PHLDB2: variants seen among roughly 807,000 people sequenced by gnomAD.
PHLDB2 encodes pleckstrin homology like domain family B member 2, also known as pleckstrin homology-like domain family B member 2.
In PHLDB2, 71 loss-of-function variants were observed where a neutral mutation model predicts 123.6. That is an observed-to-expected ratio of 0.57 (90% CI 0.47 to 0.70). PHLDB2 has a LOEUF of 0.70. PHLDB2 is among the 30% of genes least tolerant of loss of function. PHLDB2 has a pLI of 0.00. For missense variants in PHLDB2, 1,446 were observed against 1,519.5 expected (o/e 0.95, Z 0.80); for synonymous variants, 547 against 541.6 (o/e 1.01, Z -0.14).
intron 1 of PHLDB2, among the ~76,000 whole-genome samples, chr3:111,791,196 AT>A (rs1394702500): frequency 6.6e-6 from 1 of 152,168 alleles, no homozygotes; most frequent in Non-Finnish European, 1.5e-5. Flanking sequence ...GTTATAATAA[AT>A]TTCTATATAT....
At chr3:111,918,271 C>T (rs1312415471) in intron 3 of PHLDB2, among the ~76,000 whole-genome samples, 1 of 152,198 alleles carries the variant, frequency 6.6e-6, no homozygotes, top group African/African-American at 2.4e-5. Flanking sequence ...TATGCACTCT[C>T]TCACTTGTTT....
intron 1 of PHLDB2, among the ~76,000 whole-genome samples, chr3:111,737,656 T>A (rs1255165049): frequency 6.6e-6 from 1 of 151,968 alleles, no homozygotes; most frequent in Non-Finnish European, 1.5e-5. Flanking sequence ...AATGTGCAAT[T>A]TCACTGTGCA....
At chr3:111,796,960 TG>T (rs1286228748) in intron 1 of PHLDB2, among the ~76,000 whole-genome samples, 3 of 152,356 alleles carry the variant, frequency 2.0e-5, no homozygotes, top group Non-Finnish European at 4.4e-5. Flanking sequence ...TCTAGGTTAT[TG>T]ACATGACTGG....
chr3:111,887,700 A>T (rs2066256154), intron 2 of PHLDB2, among the ~76,000 whole-genome samples: 1 of 152,162 alleles, frequency 6.6e-6, no homozygotes, highest in Non-Finnish European at 1.5e-5. Context: ...TTTTATTATC[A>T]ATTCAATCAC....
chr3:111,865,141 G>T (rs550788772), intron 1 of PHLDB2, among the ~76,000 whole-genome samples: 1 of 152,326 alleles, frequency 6.6e-6, no homozygotes, highest in Admixed American at 6.5e-5. Context: ...ATTCAGAGGG[G>T]ATTGAGAAGT....
rs1576661506 is a variant in PHLDB2, at chr3:111,804,263, A to G, written c.-48-41558A>G. 3.3e-5 allele frequency among the ~76,000 whole-genome samples: 5 copies of G among 152,334 alleles called. No homozygotes were observed. The South Asian group carries it at 1.0e-3, about 32-fold the overall frequency. On this transcript the variant is annotated intron_variant, in intron 1 of 17. Transcript: ENST00000393923. ...ATTGAGAACACATGGTCTATAAACAAACAAAAAGTTAGAAGAATCTTTGAA... is the reference window on the plus strand; with the variant it reads ...ATTGAGAACACATGGTCTATAAACAGACAAAAAGTTAGAAGAATCTTTGAA...
intron 1 of PHLDB2, among the ~76,000 whole-genome samples, chr3:111,881,773 C>CTTT (rs11298720): frequency 7.3e-5 from 10 of 137,432 alleles, no homozygotes; most frequent in African/African-American, 2.4e-4. Context: ...CCTCACTTTT[C>CTTT]TTTTTTTTTT....
chr3:111,824,236 G>A (rs538602946), intron 1 of PHLDB2, among the ~76,000 whole-genome samples: 5 of 152,128 alleles, frequency 3.3e-5, no homozygotes, highest in Non-Finnish European at 7.4e-5. Context: ...TGGTAGCTTC[G>A]ACTGCCAAAT....
intron 16 of PHLDB2, among the ~76,000 whole-genome samples, chr3:111,971,572 A>G (rs2072184792): frequency 6.6e-6 from 1 of 152,194 alleles, no homozygotes; most frequent in Non-Finnish European, 1.5e-5. Context: ...GGTGAGACCT[A>G]GTTGGACAAA....
intron 2 of PHLDB2, among the ~76,000 whole-genome samples, chr3:111,894,109 G>A (rs1287646789): frequency 2.5e-5 from 3 of 117,998 alleles, no homozygotes; most frequent in African/African-American, 9.9e-5. Context: ...CCCTTCCTGT[G>A]TCCATGTGAT....
intron 2 of PHLDB2, among the ~76,000 whole-genome samples, chr3:111,851,722 A>C (rs2064264697): frequency 6.6e-6 from 1 of 152,118 alleles, no homozygotes; most frequent in Non-Finnish European, 1.5e-5. Context: ...AAGCCAGTGC[A>C]AGTTTAGAGT....
At chr3:111,829,905 C>T (rs1177612911) in intron 1 of PHLDB2, among the ~76,000 whole-genome samples, 1 of 148,604 alleles carries the variant, frequency 6.7e-6, no homozygotes, top group East Asian at 2.0e-4. Flanking sequence ...TTTCTTATCA[C>T]CAAACTGACA....
At chr3:111,945,026 A>G (rs896524773) in intron 8 of PHLDB2, among the ~76,000 whole-genome samples, 5 of 152,300 alleles carry the variant, frequency 3.3e-5, no homozygotes, top group African/African-American at 1.2e-4. Flanking sequence ...GACTCTATAA[A>G]ATTTATTAGG....
intron 2 of PHLDB2, among the ~76,000 whole-genome samples, chr3:111,907,193 A>G (rs189045108): frequency 6.6e-6 from 1 of 152,344 alleles, no homozygotes; most frequent in East Asian, 1.9e-4. Flanking sequence ...TCCAACCGCA[A>G]GTTCTGGGGT....
chr3:111,832,042 T>C (rs1055649207), intron 1 of PHLDB2, among the ~76,000 whole-genome samples: 1 of 152,130 alleles, frequency 6.6e-6, no homozygotes, highest in African/African-American at 2.4e-5. Flanking sequence ...AGTTTTGCCT[T>C]TGACCCTCCA....
intron 1 of PHLDB2, among the ~76,000 whole-genome samples, chr3:111,763,854 C>T (rs1251250960): frequency 1.3e-5 from 2 of 152,126 alleles, no homozygotes; most frequent in African/African-American, 4.8e-5. Flanking sequence ...CTGTTGGTGC[C>T]TTGATCTTAG....
At chr3:111,831,897 G>A (rs1262995401) in intron 1 of PHLDB2, among the ~76,000 whole-genome samples, 2 of 152,100 alleles carry the variant, frequency 1.3e-5, no homozygotes, top group Admixed American at 1.3e-4. Flanking sequence ...TAAATTATTG[G>A]TCAGTCAGAC....
At position 111,932,328 on chromosome 3, in the gene PHLDB2, C is replaced by T. The variant is rs1055934686; in HGVS notation, c.2061C>T (p.Ser687=). 1.2e-4 allele frequency: 184 copies of T among 1,551,336 alleles called. No individual in the cohort carries two copies. Among genetic ancestry groups the T allele is most frequent in the Middle Eastern group, 1.7e-4 (1 of 6,016 alleles). ...EKLERLQELY[S]EQKTQLDNCP... is the part of the protein sequence containing the mutation. The stretch of plus-strand genomic sequence containing the variant: ...TAGAGAGGCTTCAGGAGCTTTACTC[C>T]GAGCAGAAGACCCAGCTGGACAATT... Residue 687 remains serine (S), a synonymous_variant, in exon 6 of 18, where the codon TCC becomes TCT. Coordinates refer to ENST00000431670, the MANE Select transcript of PHLDB2 (RefSeq NM_001134438.2).
intron 1 of PHLDB2, among the ~76,000 whole-genome samples, chr3:111,834,203 A>ATATATAT (rs1559858160): frequency 1.2e-3 from 54 of 44,258 alleles, no homozygotes; most frequent in African/African-American, 3.0e-3. Context: ...TAATAGAATT[A>ATATATAT]TATATGTAAT....
Sources: gnomAD v4.1 joint callset for allele counts (sites outside exome capture counted in the v4.1 genomes callset) on GRCh38, gnomAD v4.1.1 for gene constraint, MANE v1.5 for transcripts, NCBI Gene and HGNC (gene_info 2026-07-23, HGNC 2026-07-21) for gene names.